Variants in ADAMTSL1 observed in about 807,000 individuals in gnomAD.
The protein encoded by ADAMTSL1 is ADAMTS like 1.
Under a neutral mutation model 201.8 loss-of-function variants are expected in ADAMTSL1, and 126 were observed. The ratio of observed to expected loss-of-function variants is 0.62; its 90% CI spans 0.54 to 0.72. The LOEUF is 0.72. Ranked by LOEUF, ADAMTSL1 falls within the 30% of genes least tolerant of loss-of-function variation. ADAMTSL1 has a pLI of 0.00. For synonymous variants in ADAMTSL1, 1,121 were observed against 903.4 expected, an observed-to-expected ratio of 1.24 and a Z score of -4.32; for missense variants, 2,679 against 2,277.8, an observed-to-expected ratio of 1.18 and a Z score of -3.59.
At chr9:17,998,888 A>G (rs986940144) in intron 1 of ADAMTSL1, among the ~76,000 whole-genome samples, 7 of 152,054 alleles carry the variant, frequency 4.6e-5, no homozygotes, top group Non-Finnish European at 1.0e-4. Flanking sequence ...TATGTTCAAT[A>G]CAAAGGCCCC....
intron 1 of ADAMTSL1, among the ~76,000 whole-genome samples, chr9:18,118,216 GACA>G (rs1218660714): frequency 1.3e-5 from 2 of 152,184 alleles, no homozygotes; most frequent in Non-Finnish European, 2.9e-5. Context: ...TGGAAAGACG[GACA>G]ACAATTCTGG....
chr9:18,417,569 CTG>C (rs1451567156), intron 2 of ADAMTSL1, among the ~76,000 whole-genome samples: 1 of 151,960 alleles, frequency 6.6e-6, no homozygotes, highest in Admixed American at 6.6e-5. Flanking sequence ...CTATTACAGA[CTG>C]TGTAGAAATT....
chr9:18,339,444 TAAAA>T (rs534787559), intron 2 of ADAMTSL1, among the ~76,000 whole-genome samples: 1 of 151,996 alleles, frequency 6.6e-6, no homozygotes, highest in African/African-American at 2.4e-5. Context: ...TATTAAAAAG[TAAAA>T]AAATAACAGA....
chr9:18,814,511 A>G (rs943674490), intron 20 of ADAMTSL1, among the ~76,000 whole-genome samples: 10 of 152,212 alleles, frequency 6.6e-5, no homozygotes, highest in Non-Finnish European at 4.4e-5. Flanking sequence ...AACTCCGACA[A>G]CTCAACAACA....
At chr9:18,036,641 G>A (rs1821211463) in intron 1 of ADAMTSL1, among the ~76,000 whole-genome samples, 1 of 152,120 alleles carries the variant, frequency 6.6e-6, no homozygotes, top group African/African-American at 2.4e-5. Flanking sequence ...TCAGATCAGT[G>A]ACACATACTG....
intron 2 of ADAMTSL1, among the ~76,000 whole-genome samples, chr9:18,280,702 G>C (rs1213804555): frequency 6.6e-6 from 1 of 152,066 alleles, no homozygotes; most frequent in African/African-American, 2.4e-5. Context: ...TTGTAAAATT[G>C]ATATTAGTTA....
chr9:18,907,786 A>T (rs1830398924), intron 28 of ADAMTSL1: 3 of 153,738 alleles, frequency 2.0e-5, no homozygotes, highest in Admixed American at 1.9e-4. Flanking sequence ...TATTCAACGC[A>T]CATAGTTAAA....
At chr9:18,687,739 C>T (rs1235083161) in intron 13 of ADAMTSL1, among the ~76,000 whole-genome samples, 2 of 152,174 alleles carry the variant, frequency 1.3e-5, no homozygotes, top group Non-Finnish European at 2.9e-5. Flanking sequence ...TCAGGCCAAA[C>T]ATATGTTGGG....
chr9:17,956,173 C>G (rs1827922788), intron 1 of ADAMTSL1, among the ~76,000 whole-genome samples: 1 of 151,944 alleles, frequency 6.6e-6, no homozygotes, highest in Non-Finnish European at 1.5e-5. Flanking sequence ...TACATCTTAC[C>G]TTGTAGTGCT....
rs781106126 is a variant in ADAMTSL1, at chr9:18,409,383, C to CAAAAAA, written c.208-95430_208-95425dup. On this transcript the variant is annotated intron_variant, in intron 2 of 29. Coordinates refer to the ADAMTSL1 transcript ENST00000680146. ...GGGTGACAAGATTGAAACTCCGTCT[C>CAAAAAA]AAAAAAAAAAAAAAAAAAAAAGAAA... Among the ~76,000 whole-genome samples, 211 of 75,696 alleles carry CAAAAAA rather than the reference C, an allele frequency of 2.8e-3. 1 individual carries two copies. Among genetic ancestry groups the CAAAAAA allele is most frequent in the East Asian group, 4.2e-3 (8 of 1,912 alleles). The allele number at this position is 75,696 out of a possible 152,430, so 49.7% of individuals were successfully genotyped here. A position where few individuals can be genotyped will look rare whatever the true frequency, so the allele number is the denominator to read the frequency against.
At chr9:18,487,819 C>T (rs575904604) in intron 1 of ADAMTSL1, among the ~76,000 whole-genome samples, 4 of 152,290 alleles carry the variant, frequency 2.6e-5, no homozygotes, top group African/African-American at 9.6e-5. Context: ...AGGAGCCTCC[C>T]CAGTGTGCTG....
At chr9:18,091,827 GATGA>G (rs1397122885) in intron 1 of ADAMTSL1, among the ~76,000 whole-genome samples, 1 of 151,992 alleles carries the variant, frequency 6.6e-6, no homozygotes, top group African/African-American at 2.4e-5. Flanking sequence ...CGCCTAAAAT[GATGA>G]ATAAGAAAAC....
intron 15 of ADAMTSL1, among the ~76,000 whole-genome samples, chr9:18,738,268 A>G (rs932961291): frequency 6.6e-6 from 1 of 152,172 alleles, no homozygotes; most frequent in Non-Finnish European, 1.5e-5. Flanking sequence ...CTTTAAAACT[A>G]TGGAAAGGAA....
chr9:18,706,612 C>T, intron 13 of ADAMTSL1, 135 bp from the exon 14 acceptor site: 1 of 837,350 alleles, frequency 1.2e-6, no homozygotes, highest in East Asian at 2.7e-5. Flanking sequence ...CATCACAGGA[C>T]AGGGTGGAGG....
At chr9:18,445,621 AC>A (rs1276551043) in intron 2 of ADAMTSL1, among the ~76,000 whole-genome samples, 2 of 152,188 alleles carry the variant, frequency 1.3e-5, no homozygotes, top group African/African-American at 4.8e-5. Context: ...CCAAATGTAC[AC>A]CAAAAAAGAA....
At chr9:18,051,260 C>T (rs1032513317) in intron 1 of ADAMTSL1, among the ~76,000 whole-genome samples, 3 of 152,076 alleles carry the variant, frequency 2.0e-5, no homozygotes, top group African/African-American at 7.2e-5. Context: ...GAGATGGTGC[C>T]ACTGCACTCC....
rs1460913236 is a variant in ADAMTSL1 at position 17,909,729 on chromosome 9, A to AG, written c.87+2807_87+2808insG. Among the ~76,000 whole-genome samples the AG allele has an allele frequency of 4.6e-3, 306 of 65,844 alleles. 5 individuals carry two copies. Among genetic ancestry groups the AG allele is most frequent in the African/African-American group, 9.2e-3 (297 of 32,142 alleles). The allele number at this position is 65,844 out of a possible 152,430, so 43.2% of individuals were successfully genotyped here. A position where few individuals can be genotyped will look rare whatever the true frequency, so the allele number is the denominator to read the frequency against. On this transcript the variant is annotated intron_variant, in intron 1 of 29. Transcript: ENST00000680146. ...TCATCATTCTCAGTAAACTATCACAAAACAAAAAACCAAACACTGCATATT... is the reference window on the plus strand; with the variant it reads ...TCATCATTCTCAGTAAACTATCACAAGAACAAAAAACCAAACACTGCATATT...
Position 18,622,286 on chromosome 9 carries a change from A to T in ADAMTSL1, c.518A>T (p.Asp173Val). ...CAGCTGGGAAGCACCGTCAAGGAAG[A>T]TAACTGTGGGGTCTGCAACGGAGAT... is the stretch of plus-strand genomic sequence containing the variant. ...DHQLGSTVKE[D>V]NCGVCNGDGS... Residue 173 changes from aspartate (D) to valine (V), a missense_variant, in exon 5 of 29, where the codon GAT becomes GTT. Coordinates refer to ENST00000380548, the MANE Select transcript of ADAMTSL1 (RefSeq NM_001040272.6). The T allele has an allele frequency of 2.5e-6, 4 of 1,614,028 alleles. No individual in the cohort carries two copies. Among genetic ancestry groups the T allele is most frequent in the Non-Finnish European group, 2.5e-6 (3 of 1,179,950 alleles).
At chr9:18,178,583 C>T (rs1243825527) in intron 2 of ADAMTSL1, among the ~76,000 whole-genome samples, 2 of 151,926 alleles carry the variant, frequency 1.3e-5, no homozygotes, top group South Asian at 2.1e-4. Context: ...AGGGCACAGA[C>T]AAACAAAAAG....
Sources: allele counts gnomAD v4.1 joint callset (sites outside exome capture counted in the v4.1 genomes callset), GRCh38; gene constraint gnomAD v4.1.1; transcripts MANE v1.5; gene names NCBI Gene and HGNC (gene_info 2026-07-23, HGNC 2026-07-21).